The following ART1 variants were observed in gnomAD, a reference collection of about 807,000 sequenced individuals.
The protein encoded by ART1 is ADP-ribosyltransferase 1, also known as GPI-linked NAD(P)(+)--arginine ADP-ribosyltransferase 1.
In ART1, 29 loss-of-function variants were observed where a neutral mutation model predicts 27.0. The ratio of observed to expected loss-of-function variants is 1.08; its 90% CI spans 0.80 to 1.47. The LOEUF is 1.47. ART1 is among the 40% of genes most tolerant of loss of function. ART1 has a pLI of 0.00. For missense variants in ART1, 480 were observed against 423.0 expected (o/e 1.13, Z -1.18); for synonymous variants, 201 against 172.2 (o/e 1.17, Z -1.31).
chr11:3,654,773 C>G (rs2077556152), intron 1 of ART1, among the ~76,000 whole-genome samples: 1 of 149,498 alleles, frequency 6.7e-6, no homozygotes, highest in East Asian at 2.0e-4. Flanking sequence ...CATCAGACAT[C>G]AAGTCTTGTA....
rs761533207 is a variant in ART1 at position 3,655,928 on chromosome 11, CTTTTTTTTTTT to C, written c.-52-3223_-52-3213del. 6.3e-3 allele frequency among the ~76,000 whole-genome samples: 687 copies of C among 109,016 alleles called. 7 individuals are homozygous for C. The highest frequency in any genetic ancestry group is 8.9e-3 in the Non-Finnish European group (504 of 56,576). 71.5% of individuals were successfully genotyped at this position (109,016 alleles called of 152,430 possible). A position where few individuals can be genotyped will look rare whatever the true frequency, so the allele number is the denominator to read the frequency against. On this transcript the variant is annotated intron_variant, in intron 1 of 4. Transcript: ENST00000250693. ...AGAGACCACAGACAAGAGCTCAAGT[CTTTTTTTTTTT>C]TTTTTTTTTTGAGACAGAGTTTCAC... is the stretch of plus-strand genomic sequence containing the variant.
chr11:3,648,599 C>T (rs991522206), intron 1 of ART1, among the ~76,000 whole-genome samples: 8 of 152,296 alleles, frequency 5.3e-5, no homozygotes, highest in Non-Finnish European at 1.0e-4. Flanking sequence ...AAAGGAGACA[C>T]GTTTTATCTG....
intron 1 of ART1, 36 bp from the exon 2 acceptor site, chr11:3,659,126 T>C: frequency 3.9e-6 from 5 of 1,277,100 alleles, no homozygotes; most frequent in Non-Finnish European, 5.6e-6. Flanking sequence ...GATTCATGTT[T>C]ATTAAACTAT....
chr11:3,660,044 C>T lies in ART1; in HGVS notation c.525C>T (p.His175=). The change falls in exon 3 of 5, where the codon CAC becomes CAT. Residue 175 remains histidine, a synonymous_variant. Coordinates refer to ENST00000250693, the MANE Select transcript of ART1 (RefSeq NM_004314.3). The stretch of plus-strand genomic sequence containing the variant: ...GCGGCCAGCGTCCACCCCGGTGCCA[C>T]CAGGTGTTCCGAGGTGTGCACGGCC... The part of the protein sequence containing the change: ...LGSGQRPPRC[H]QVFRGVHGLR... 1.2e-6 allele frequency: 2 copies of T among 1,613,750 alleles called. No homozygotes were observed. Among genetic ancestry groups the T allele is most frequent in the Non-Finnish European group, 1.7e-6 (2 of 1,179,948 alleles).
At chr11:3,648,907 G>A (rs2077492198) in intron 1 of ART1, among the ~76,000 whole-genome samples, 2 of 152,070 alleles carry the variant, frequency 1.3e-5, no homozygotes, top group South Asian at 4.2e-4. Flanking sequence ...TTTTCTAGGA[G>A]GAAAGAACCC....
intron 1 of ART1, among the ~76,000 whole-genome samples, chr11:3,649,438 C>G (rs2077499029): frequency 6.6e-6 from 1 of 152,186 alleles, no homozygotes; most frequent in African/African-American, 2.4e-5. Flanking sequence ...CAGTCCCTCC[C>G]TAGTCTCTGC....
intron 1 of ART1, among the ~76,000 whole-genome samples, 151 bp downstream of exon 1, chr11:3,645,330 G>C (rs1319096525): frequency 6.6e-6 from 1 of 152,266 alleles, no homozygotes; most frequent in Non-Finnish European, 1.5e-5. Context: ...AAGGTTGGGA[G>C]CCATGGGAAG....
chr11:3,658,725 C>G (rs990526906), intron 1 of ART1, among the ~76,000 whole-genome samples: 1 of 152,278 alleles, frequency 6.6e-6, no homozygotes, highest in East Asian at 1.9e-4. Flanking sequence ...AAACCCACAA[C>G]CCCTGCGAGG....
At chr11:3,655,644 C>G (rs757654531) in intron 1 of ART1, 1 of 152,180 alleles carries the variant, frequency 6.6e-6, no homozygotes, top group Non-Finnish European at 1.5e-5. Flanking sequence ...GCTGAGGAAT[C>G]CACAGTGTCA....
intron 1 of ART1, among the ~76,000 whole-genome samples, chr11:3,655,325 TCAGA>T (rs79710335): frequency 0.45 from 68,443 of 151,712 alleles, 17,189 homozygotes; most frequent in Admixed American, 0.66. Flanking sequence ...AGCGGCAAAG[TCAGA>T]CAGAGAAGAG....
At chr11:3,648,955 G>A (rs183006233) in intron 1 of ART1, among the ~76,000 whole-genome samples, 255 of 126,856 alleles carry the variant, frequency 2.0e-3, no homozygotes, top group African/African-American at 5.6e-3. Flanking sequence ...TCTTACCTCT[G>A]TGCCCCAATC....
At chr11:3,655,103 C>G (rs1440574068) in intron 1 of ART1, among the ~76,000 whole-genome samples, 1 of 152,222 alleles carries the variant, frequency 6.6e-6, no homozygotes, top group South Asian at 2.1e-4. Flanking sequence ...GGCAGCTCTG[C>G]TCAGGCCGCC....
chr11:3,653,235 C>A (rs1324987954), intron 1 of ART1, among the ~76,000 whole-genome samples: 2 of 148,618 alleles, frequency 1.3e-5, no homozygotes, highest in African/African-American at 2.6e-5. Flanking sequence ...GAATGTCAGG[C>A]CTCTGAGCCG....
At position 3,660,098 on chromosome 11, in the gene ART1, C is replaced by T; in HGVS notation, c.579C>T (p.Ala193=). Residue 193 remains alanine, a synonymous_variant, in exon 3 of 5, where the codon GCC becomes GCT. Coordinates refer to ENST00000250693, the MANE Select transcript of ART1 (RefSeq NM_004314.3). ...GCTTCCGGCCAGCAGGGCCCCGGGC[C>T]ACCGTGAGGCTGGGGGGCTTTGCTT... ...GLRFRPAGPR[A]TVRLGGFASA... The T allele has an allele frequency of 6.2e-7, 1 of 1,613,820 alleles. No homozygotes were observed. The highest frequency in any genetic ancestry group is 8.5e-7 in the Non-Finnish European group (1 of 1,179,974).
In ART1 at chr11:3,659,607, C is replaced by T. The variant is rs779943962; in HGVS notation, c.88C>T (p.Arg30Ter). 8.1e-6 allele frequency: 13 copies of T among 1,608,152 alleles called. No individual in the cohort carries two copies. Among genetic ancestry groups the T allele is most frequent in the Admixed American group, 6.7e-5 (4 of 59,836 alleles). ...LQAQSHPITR[R>*]DLFSQEIQLD... ...GGCCCAGAGCCACCCCATCACACGACGAGACCTCTTCTCTCAAGAGATTCA... is the reference window on the plus strand; with the variant it reads ...GGCCCAGAGCCACCCCATCACACGATGAGACCTCTTCTCTCAAGAGATTCA... The change falls in exon 3 of 5, where the codon CGA (arginine) becomes TGA (stop). Residue 30 changes from arginine (R) to a stop codon, truncating the protein, a stop_gained. Coordinates refer to ENST00000250693, the MANE Select transcript of ART1 (RefSeq NM_004314.3). LOFTEE classifies it high-confidence loss of function.
intron 3 of ART1, 145 bp downstream of exon 3, chr11:3,660,508 A>C: frequency 1.0e-6 from 1 of 974,084 alleles, no homozygotes; most frequent in Non-Finnish European, 1.5e-6. Context: ...AACCCCTTCC[A>C]TCTAAGGGGA....
intron 3 of ART1, 75 bp from the exon 4 acceptor site, chr11:3,661,297 C>T: frequency 7.3e-7 from 1 of 1,370,606 alleles, no homozygotes. Context: ...CAGGGATGGA[C>T]TACCAGGGCT....
chr11:3,647,188 T>G (rs955451781), intron 1 of ART1, among the ~76,000 whole-genome samples: 1 of 152,050 alleles, frequency 6.6e-6, no homozygotes, highest in African/African-American at 2.4e-5. Context: ...CCAGGCATGA[T>G]GGCACATGCC....
At chr11:3,647,352 G>A (rs931825051) in intron 1 of ART1, among the ~76,000 whole-genome samples, 5 of 141,726 alleles carry the variant, frequency 3.5e-5, no homozygotes, top group Admixed American at 7.1e-5. Flanking sequence ...AAAAAAAAAC[G>A]AGGCTGGGTG....
Sources: gnomAD v4.1 joint callset for allele counts (sites outside exome capture counted in the v4.1 genomes callset) on GRCh38, gnomAD v4.1.1 for gene constraint, MANE v1.5 for transcripts, NCBI Gene and HGNC (gene_info 2026-07-23, HGNC 2026-07-21) for gene names.